Variants in KYAT1 observed in about 807,000 individuals in gnomAD.
The protein encoded by KYAT1 is kynurenine aminotransferase 1.
In KYAT1, 47 loss-of-function variants were observed where a neutral mutation model predicts 52.4. The observed-to-expected ratio is 0.90, with a 90% CI of 0.71 to 1.14. KYAT1 has a LOEUF of 1.14. KYAT1 is among the 50% of genes most tolerant of loss of function. The pLI, the probability that KYAT1 is intolerant of heterozygous loss-of-function variation, is 0.00. For synonymous variants in KYAT1, 212 were observed against 209.6 expected, an observed-to-expected ratio of 1.01 and a Z score of -0.10; for missense variants, 480 against 557.9, an observed-to-expected ratio of 0.86 and a Z score of 1.41.
chr9:128,870,219 G>GA (rs1257557015), intron 1 of KYAT1, among the ~76,000 whole-genome samples: 1 of 151,990 alleles, frequency 6.6e-6, no homozygotes, highest in Non-Finnish European at 1.5e-5. Context: ...GCCAACAGGT[G>GA]AAAAAAACCC....
At chr9:128,834,998 CA>C (rs968463387) in intron 11 of KYAT1, among the ~76,000 whole-genome samples, 5 of 150,550 alleles carry the variant, frequency 3.3e-5, no homozygotes, top group Admixed American at 2.7e-4. Context: ...ATTAGCCGGG[CA>C]AAAAAAAGTA....
rs745938044 is a variant in KYAT1, at chr9:128,835,747, C to G, written c.855+32G>C. The G allele has an allele frequency of 5.6e-6, 9 of 1,605,502 alleles. No individual in the cohort carries two copies. The Admixed American group carries it at 1.4e-4, about 24-fold the overall frequency. On this transcript the variant is annotated intron_variant, in intron 9 of 12. Coordinates refer to ENST00000302586, the MANE Select transcript of KYAT1 (RefSeq NM_004059.5). Reference sequence around the variant, plus strand: ...CAGCCTGGGCTCTTTTGTTGTCCCCCCACTCCCCCGTGACGTCCTGCCCCT... The same window carrying G: ...CAGCCTGGGCTCTTTTGTTGTCCCCGCACTCCCCCGTGACGTCCTGCCCCT...
intron 1 of KYAT1, among the ~76,000 whole-genome samples, chr9:128,864,637 C>T (rs1003383790): frequency 1.3e-5 from 2 of 151,936 alleles, no homozygotes; most frequent in Admixed American, 6.6e-5. Context: ...GGGACAAAGT[C>T]GTGCTCTGTC....
rs1196920222 is a variant in KYAT1 at position 128,836,857 on chromosome 9, G to A, written c.633C>T (p.Ile211=). 5 of 1,613,872 alleles carry A rather than the reference G, an allele frequency of 3.1e-6. No individual in the cohort carries two copies. In the African/African-American group the frequency reaches 5.3e-5, roughly 17 times the overall value. The change falls in exon 7 of 13, where the codon ATC becomes ATT. Residue 211 remains isoleucine (I), a synonymous_variant. Transcript: ENST00000302586. The part of the protein sequence containing the change: ...SLCQQHDVVC[I]TDEVYQWMVY... ...CCATCCACTGGTAGACTTCATCAGT[G>A]ATACACACCACGTCATGCTGCTGGC...
intron 1 of KYAT1, among the ~76,000 whole-genome samples, chr9:128,872,196 G>A (rs1479547655): frequency 1.3e-5 from 2 of 150,850 alleles, no homozygotes; most frequent in Non-Finnish European, 2.9e-5. Context: ...TGTAATCCCA[G>A]CACTTTGGGA....
At chr9:128,843,238 CA>C (rs1198358134) in intron 2 of KYAT1, among the ~76,000 whole-genome samples, 1 of 152,122 alleles carries the variant, frequency 6.6e-6, no homozygotes, top group East Asian at 1.9e-4. Flanking sequence ...AGACAATCAG[CA>C]ACTGTCCTGG....
At chr9:128,845,315 G>A (rs1589666068) in intron 2 of KYAT1, 38 bp downstream of exon 2, 2 of 1,597,194 alleles carry the variant, frequency 1.3e-6, no homozygotes, top group Non-Finnish European at 1.7e-6. Flanking sequence ...CCATGCCCGA[G>A]GGGACACCCA....
chr9:128,878,007 C>T (rs753306285), intron 1 of KYAT1, among the ~76,000 whole-genome samples: 8 of 152,164 alleles, frequency 5.3e-5, no homozygotes, highest in South Asian at 2.1e-4. Flanking sequence ...AGCTATGGGA[C>T]CTTGGTCATG....
chr9:128,865,320 TATATATATATATATATATATATATATATA>T lies in KYAT1; in HGVS notation c.-7+16548_-7+16576del, dbSNP rs1836071515. Among the ~76,000 whole-genome samples, 3 of 1,046 alleles carry T rather than the reference TATATATATATATATATATATATATATATA, an allele frequency of 2.9e-3. 1 individual carries two copies. The highest frequency in any genetic ancestry group is 6.9e-3 in the African/African-American group (3 of 434). 0.7% of individuals were successfully genotyped at this position (1,046 alleles called of 152,430 possible). Reference sequence around the variant, plus strand: ...GTAGCAGAGCCTACATATATATATATATATATATATATATATATATATATATATATATATATATATTTTTTTTTTTTTTT... The same window carrying T: ...GTAGCAGAGCCTACATATATATATATTATATATATATTTTTTTTTTTTTTT... On this transcript the variant is annotated intron_variant, in intron 1 of 12. Coordinates refer to ENST00000302586, the MANE Select transcript of KYAT1 (RefSeq NM_004059.5).
intron 1 of KYAT1, among the ~76,000 whole-genome samples, chr9:128,867,074 T>C (rs1836501777): frequency 6.6e-6 from 1 of 152,200 alleles, no homozygotes; most frequent in South Asian, 2.1e-4. Flanking sequence ...ATTTGTGATT[T>C]GAAAAGCAAG....
chr9:128,835,841 T>C lies in KYAT1; in HGVS notation c.793A>G (p.Ile265Val), dbSNP rs772390765. 2 of 1,613,968 alleles carry C rather than the reference T, an allele frequency of 1.2e-6. No homozygotes were observed. The highest frequency in any genetic ancestry group is 1.3e-5 in the African/African-American group (1 of 74,928). The change falls in exon 9 of 13, where the codon ATC becomes GTC. Residue 265 changes from isoleucine (I) to valine (V), a missense_variant. Physicochemically the swap from Ile to Val is conservative, Grantham distance 29. Coordinates refer to ENST00000302586, the MANE Select transcript of KYAT1 (RefSeq NM_004059.5). ...TGCACGGTCCGCAGGTGCTTCATGA[T>C]GTGATCTGGACCCAGGACCCAGCCC... ...KVGWVLGPDH[I>V]MKHLRTVHQN...
intron 2 of KYAT1, 61 bp from the exon 3 acceptor site, chr9:128,842,862 C>A: frequency 6.5e-7 from 1 of 1,549,236 alleles, no homozygotes; most frequent in South Asian, 1.2e-5. Context: ...GGACTTCGGC[C>A]TGTTTAGAAA....
intron 11 of KYAT1, 63 bp downstream of exon 11, chr9:128,835,260 C>T (rs891937087): frequency 7.2e-7 from 1 of 1,397,856 alleles, no homozygotes; most frequent in Non-Finnish European, 1.0e-6. Flanking sequence ...CTTGCCTGGG[C>T]ACCCTTGAGC....
At chr9:128,860,286 C>T (rs1178836670) in intron 1 of KYAT1, 1 of 152,324 alleles carries the variant, frequency 6.6e-6, no homozygotes, top group Non-Finnish European at 1.5e-5. Flanking sequence ...CTCACAGACA[C>T]ACCCAGAAGT....
intron 1 of KYAT1, among the ~76,000 whole-genome samples, chr9:128,879,931 TTAGCACAGATGA>T (rs1838571267): frequency 6.6e-6 from 1 of 152,138 alleles, no homozygotes; most frequent in African/African-American, 2.4e-5. Context: ...CCCCCAGGCA[TTAGCACAGATGA>T]TCCTGGGAAG....
intron 1 of KYAT1, among the ~76,000 whole-genome samples, chr9:128,871,772 TATACAC>T (rs1187143361): frequency 1.3e-5 from 2 of 152,118 alleles, no homozygotes; most frequent in Non-Finnish European, 2.9e-5. Flanking sequence ...TATATATACA[TATACAC>T]ATACACATAC....
rs1473663251 is a variant in KYAT1, at chr9:128,849,044, G to A, written c.-6-3633C>T. On this transcript the variant is annotated intron_variant, in intron 1 of 12. Transcript: ENST00000302586. The stretch of plus-strand genomic sequence containing the variant: ...GCAGGAGAACTGCTTGAACCTGGGA[G>A]GCAAAGGTTGCAGTGAGCCAAGATC... Among the ~76,000 whole-genome samples, 7 of 151,780 alleles carry A rather than the reference G, an allele frequency of 4.6e-5. No individual in the cohort carries two copies. The South Asian group carries it at 1.0e-3, about 23-fold the overall frequency.
intron 1 of KYAT1, among the ~76,000 whole-genome samples, chr9:128,854,547 T>G (rs1464709220): frequency 6.6e-6 from 1 of 152,158 alleles, no homozygotes; most frequent in Non-Finnish European, 1.5e-5. Context: ...TGGGCCCAGC[T>G]AAAGAAGCTG....
At chr9:128,848,429 G>A (rs1157988871) in intron 1 of KYAT1, among the ~76,000 whole-genome samples, 1 of 152,008 alleles carries the variant, frequency 6.6e-6, no homozygotes, top group East Asian at 1.9e-4. Context: ...CCAAGAAAGT[G>A]TGATACTGCT....
Sources: allele counts gnomAD v4.1 joint callset (sites outside exome capture counted in the v4.1 genomes callset), GRCh38; gene constraint gnomAD v4.1.1; transcripts MANE v1.5; gene names NCBI Gene and HGNC (gene_info 2026-07-23, HGNC 2026-07-21).